ANKRD55: variants seen among roughly 807,000 people sequenced by gnomAD.
ANKRD55 encodes the protein ankyrin repeat domain-containing protein 55.
A neutral mutation model predicts 60.6 loss-of-function variants in ANKRD55; 41 were observed. That is an observed-to-expected ratio of 0.68 (90% CI 0.53 to 0.88). The LOEUF is 0.88. Ranked by LOEUF, ANKRD55 falls within the 40% of genes least tolerant of loss-of-function variation. The pLI is 0.00. For synonymous variants in ANKRD55, 264 were observed against 290.3 expected, an observed-to-expected ratio of 0.91 and a Z score of 0.92; for missense variants, 732 against 767.6, an observed-to-expected ratio of 0.95 and a Z score of 0.55.
At chr5:56,176,073 T>G in intron 4 of ANKRD55, 79 bp downstream of exon 4, 1 of 1,563,398 alleles carries the variant, frequency 6.4e-7, no homozygotes, top group Non-Finnish European at 8.7e-7. Flanking sequence ...CCAAGAATGC[T>G]CCTTTGCAAC....
At chr5:56,205,833 T>G (rs922525386) in intron 2 of ANKRD55, among the ~76,000 whole-genome samples, 4 of 152,178 alleles carry the variant, frequency 2.6e-5, no homozygotes, top group African/African-American at 9.7e-5. Flanking sequence ...ACAAGTCTAT[T>G]GCCCTGCAGT....
chr5:56,111,964 C>T lies in ANKRD55; in HGVS notation c.966-182G>A, dbSNP rs116082417. Among the ~76,000 whole-genome samples, 287 of 152,242 alleles carry T rather than the reference C, an allele frequency of 1.9e-3. 1 individual carries two copies. Among genetic ancestry groups the T allele is most frequent in the African/African-American group, 6.7e-3 (280 of 41,538 alleles). On this transcript the variant is annotated intron_variant, in intron 9 of 11. Transcript: ENST00000341048. ...GAACTCACAGTACCCCTGGCAATCC[C>T]GCCCAGAAGAGGCTCTTTACCATGG...
intron 2 of ANKRD55, among the ~76,000 whole-genome samples, chr5:56,228,249 T>C (rs920180083): frequency 6.6e-6 from 1 of 151,948 alleles, no homozygotes; most frequent in Admixed American, 6.6e-5. Flanking sequence ...TGCAATCACA[T>C]GCATCCTTAA....
At chr5:56,223,097 C>T (rs1760011855) in intron 2 of ANKRD55, among the ~76,000 whole-genome samples, 2 of 152,092 alleles carry the variant, frequency 1.3e-5, no homozygotes, top group African/African-American at 2.4e-5. Context: ...TAAGGGCAGC[C>T]AGAGAGAAAG....
chr5:56,158,659 AATT>A (rs1455322746), intron 6 of ANKRD55, among the ~76,000 whole-genome samples: 2 of 152,132 alleles, frequency 1.3e-5, no homozygotes, highest in Non-Finnish European at 2.9e-5. Context: ...GGTAACCCGG[AATT>A]ATTAATATTA....
At chr5:56,213,709 G>A (rs1561295183) in intron 2 of ANKRD55, among the ~76,000 whole-genome samples, 1 of 152,202 alleles carries the variant, frequency 6.6e-6, no homozygotes, top group African/African-American at 2.4e-5. Flanking sequence ...AGCAAAGGGA[G>A]AGTTTTATCC....
chr5:56,217,488 A>T (rs1442103632), intron 2 of ANKRD55, among the ~76,000 whole-genome samples: 3 of 152,216 alleles, frequency 2.0e-5, no homozygotes, highest in African/African-American at 7.2e-5. Context: ...ATAGATAGTG[A>T]TTCCTCTGAT....
chr5:56,192,528 A>G, intron 2 of ANKRD55: 1 of 328,396 alleles, frequency 3.0e-6, no homozygotes, highest in South Asian at 3.9e-5. Context: ...ACGGCCGATG[A>G]CAGAAATACA....
At chr5:56,173,775 C>T (rs539064308) in intron 4 of ANKRD55, among the ~76,000 whole-genome samples, 2 of 151,152 alleles carry the variant, frequency 1.3e-5, no homozygotes, top group Admixed American at 1.3e-4. Context: ...AACTCCCAAC[C>T]TCAGGTGATC....
At chr5:56,197,988 G>A (rs1759265560) in intron 2 of ANKRD55, among the ~76,000 whole-genome samples, 1 of 152,018 alleles carries the variant, frequency 6.6e-6, no homozygotes, top group African/African-American at 2.4e-5. Context: ...TTCTCCATTT[G>A]TTTTCAGTTC....
At chr5:56,159,942 G>A (rs1343132198) in intron 5 of ANKRD55, 49 bp from the exon 6 acceptor site, 1 of 1,539,872 alleles carries the variant, frequency 6.5e-7, no homozygotes, top group Non-Finnish European at 9.0e-7. Flanking sequence ...GGCAGTCACG[G>A]TGCTCTTGGA....
At chr5:56,102,804 G>GAGT (rs1443351543) in intron 10 of ANKRD55, among the ~76,000 whole-genome samples, 1 of 151,956 alleles carries the variant, frequency 6.6e-6, no homozygotes, top group Non-Finnish European at 1.5e-5. Context: ...CATTTCTTGA[G>GAGT]AGTACTAGTT....
chr5:56,114,400 G>A (rs1756828921), intron 9 of ANKRD55: 1 of 152,422 alleles, frequency 6.6e-6, no homozygotes, highest in Non-Finnish European at 1.5e-5. Flanking sequence ...ATAACTGACA[G>A]TTATTGTAGC....
intron 7 of ANKRD55, among the ~76,000 whole-genome samples, chr5:56,130,592 A>T (rs1757383533): frequency 1.3e-5 from 2 of 152,238 alleles, no homozygotes; most frequent in South Asian, 4.1e-4. Flanking sequence ...CTATCGAGAA[A>T]AAATTATAAA....
At chr5:56,135,648 C>A (rs756393777) in intron 7 of ANKRD55, among the ~76,000 whole-genome samples, 1 of 152,018 alleles carries the variant, frequency 6.6e-6, no homozygotes, top group South Asian at 2.1e-4. Flanking sequence ...GGATTACAGG[C>A]GTGAGCCACT....
intron 2 of ANKRD55, among the ~76,000 whole-genome samples, chr5:56,216,966 T>C (rs1013729405): frequency 3.9e-5 from 6 of 152,218 alleles, no homozygotes; most frequent in South Asian, 4.1e-4. Flanking sequence ...CAGCCTTCTA[T>C]TGGGAGAAGA....
chr5:56,179,428 A>G (rs1444005754), intron 3 of ANKRD55, among the ~76,000 whole-genome samples: 9 of 152,202 alleles, frequency 5.9e-5, no homozygotes, highest in Admixed American at 5.9e-4. Context: ...GAATGAAGGG[A>G]AAAGGGGTGG....
At chr5:56,158,832 T>C (rs1758256241) in intron 6 of ANKRD55, among the ~76,000 whole-genome samples, 1 of 151,704 alleles carries the variant, frequency 6.6e-6, no homozygotes, top group South Asian at 2.1e-4. Flanking sequence ...TAGCTGGGAC[T>C]ATAGGCATGT....
At chr5:56,232,613 G>C (rs568917538) in intron 2 of ANKRD55, among the ~76,000 whole-genome samples, 2 of 152,252 alleles carry the variant, frequency 1.3e-5, no homozygotes, top group African/African-American at 4.8e-5. Flanking sequence ...TTATACAACA[G>C]ATCATAAGCT....
Sources: gnomAD v4.1 joint callset for allele counts (sites outside exome capture counted in the v4.1 genomes callset) on GRCh38, gnomAD v4.1.1 for gene constraint, MANE v1.5 for transcripts, NCBI Gene and HGNC (gene_info 2026-07-23, HGNC 2026-07-21) for gene names.